ADGRG6: variants seen among roughly 807,000 people sequenced by gnomAD.
ADGRG6 encodes the protein adhesion G protein-coupled receptor G6.
ADGRG6 carries 84 observed loss-of-function variants against 142.4 expected under a neutral mutation model. That is an observed-to-expected ratio of 0.59 (90% CI 0.49 to 0.71). The LOEUF (loss-of-function observed/expected upper bound fraction) is 0.71. Ranked by LOEUF, ADGRG6 falls within the 30% of genes least tolerant of loss-of-function variation. ADGRG6 has a pLI of 0.00. For synonymous variants in ADGRG6, 521 were observed against 520.5 expected (o/e 1.00, Z -0.01); for missense variants, 1,367 against 1,466.6 (o/e 0.93, Z 1.11).
chr6:142,331,024 C>T (rs1342647456), intron 2 of ADGRG6, among the ~76,000 whole-genome samples: 3 of 151,794 alleles, frequency 2.0e-5, no homozygotes, highest in Admixed American at 2.0e-4. Context: ...TTGCCTTTGC[C>T]TGAAGTCACC....
At position 142,394,211 on chromosome 6, in the gene ADGRG6, T is replaced by C. The variant is rs79989835; in HGVS notation, c.1424+253T>C. Among the ~76,000 whole-genome samples, 745 of 152,352 alleles carry C rather than the reference T, an allele frequency of 4.9e-3. 6 individuals are homozygous for C. The highest frequency in any genetic ancestry group is 0.017 in the African/African-American group (708 of 41,574). On this transcript the variant is annotated intron_variant, in intron 9 of 24. Coordinates refer to ENST00000367609, the MANE Select transcript of ADGRG6 (RefSeq NM_198569.3). The stretch of plus-strand genomic sequence containing the variant: ...AAAATGGATGGATTATTATTTTTAG[T>C]ATTTCCAGTTTATTTATCATAACCC...
At chr6:142,395,360 A>G (rs1775124522) in intron 9 of ADGRG6, among the ~76,000 whole-genome samples, 2 of 152,146 alleles carry the variant, frequency 1.3e-5, no homozygotes, top group Non-Finnish European at 2.9e-5. Flanking sequence ...TCCAGCAGCA[A>G]TCAGGATCCC....
intron 2 of ADGRG6, among the ~76,000 whole-genome samples, chr6:142,314,453 G>A (rs191058269): frequency 3.3e-5 from 5 of 152,242 alleles, no homozygotes; most frequent in East Asian, 3.9e-4. Flanking sequence ...ATATTTAGAC[G>A]AGGCACACCA....
At position 142,313,901 on chromosome 6, in the gene ADGRG6, G is replaced by A. The variant is rs927564995; in HGVS notation, c.103+4257G>A. Among the ~76,000 whole-genome samples the A allele has an allele frequency of 3.9e-5, 6 of 152,144 alleles. No individual in the cohort carries two copies. In the East Asian group the frequency reaches 9.6e-4, roughly 24 times the overall value. Reference sequence around the variant, plus strand: ...TGTCCCCTTTTTAAAAAAAAATTCAGTATTGTGTATTGAAAATTACTAAGT... The same window carrying A: ...TGTCCCCTTTTTAAAAAAAAATTCAATATTGTGTATTGAAAATTACTAAGT... On this transcript the variant is annotated intron_variant, in intron 2 of 24. Coordinates refer to ENST00000367609, the MANE Select transcript of ADGRG6 (RefSeq NM_198569.3).
chr6:142,342,383 G>A (rs146211779), intron 2 of ADGRG6, among the ~76,000 whole-genome samples: 28 of 152,132 alleles, frequency 1.8e-4, no homozygotes, highest in Admixed American at 1.2e-3. Flanking sequence ...TAAGAAAATT[G>A]TAATATCCTG....
chr6:142,387,082 A>G (rs920853954), intron 6 of ADGRG6, among the ~76,000 whole-genome samples: 1 of 152,250 alleles, frequency 6.6e-6, no homozygotes, highest in Non-Finnish European at 1.5e-5. Flanking sequence ...CCTGCTGTGT[A>G]CACTAAGAAA....
intron 9 of ADGRG6, 36 bp from the exon 10 acceptor site, chr6:142,397,577 A>G (rs762444122): frequency 3.2e-6 from 5 of 1,583,884 alleles, no homozygotes; most frequent in East Asian, 2.3e-5. Flanking sequence ...CAACCAATGA[A>G]CAACAACAAC....
chr6:142,357,514 T>A (rs758094188), intron 2 of ADGRG6, among the ~76,000 whole-genome samples: 15 of 152,174 alleles, frequency 9.9e-5, no homozygotes, highest in Non-Finnish European at 1.8e-4. Flanking sequence ...AGGGGAAAAA[T>A]TATGCTGGTT....
rs774026696 is a variant in ADGRG6 at position 142,392,994 on chromosome 6, A to G, written c.1355A>G (p.Asn452Ser). ...QNWNYTVYVV[N>S]ISFHLSAGED... Reference sequence around the variant, plus strand: ...TGGAACTACACGGTTTATGTCGTTAATATCAGGTAAGACAGAATAAATTAT... The same window carrying G: ...TGGAACTACACGGTTTATGTCGTTAGTATCAGGTAAGACAGAATAAATTAT... The change falls in exon 8 of 25, where the codon AAT (asparagine) becomes AGT (serine). Residue 452 changes from asparagine (N) to serine (S), a missense_variant. Around this residue, in one of 3 missense-constraint regions of ADGRG6, gnomAD observed 737 missense variants for 746.5 expected, o/e 0.99. Coordinates refer to ENST00000367609, the MANE Select transcript of ADGRG6 (RefSeq NM_198569.3). 22 of 1,512,848 alleles carry G rather than the reference A, an allele frequency of 1.5e-5. No homozygotes were observed. Among genetic ancestry groups the G allele is most frequent in the East Asian group, 2.3e-5 (1 of 44,286 alleles). The allele number at this position is 1,512,848 out of a possible 1,614,324, so 93.7% of individuals were successfully genotyped here. A position where few individuals can be genotyped will look rare whatever the true frequency, so the allele number is the denominator to read the frequency against.
At chr6:142,391,360 CAT>C (rs1260981414) in intron 7 of ADGRG6, among the ~76,000 whole-genome samples, 1 of 147,394 alleles carries the variant, frequency 6.8e-6, no homozygotes, top group Non-Finnish European at 1.5e-5. Context: ...AATGGGTTTT[CAT>C]ATATATTTGG....
chr6:142,402,698 A>G lies in ADGRG6; in HGVS notation c.1823A>G (p.Asn608Ser). The G allele has an allele frequency of 6.2e-7, 1 of 1,608,408 alleles. No individual in the cohort carries two copies. ...GQNLTSANIT[N>S]IVEQVKRIVN... is the part of the protein sequence containing the mutation. ...AACTTAACCTCAGCCAATATTACCA[A>G]CATTGTGGAACAGGTCAAAAGAATT... The change falls in exon 13 of 25, where the codon AAC becomes AGC. Residue 608 changes from asparagine to serine, a missense_variant. By Grantham distance (46) the Asn-to-Ser change is conservative (BLOSUM62 1). This residue lies in a region of ADGRG6 where 737 missense variants were observed against 746.5 expected (regional missense o/e 0.99). Coordinates refer to ENST00000367609, the MANE Select transcript of ADGRG6 (RefSeq NM_198569.3).
intron 2 of ADGRG6, among the ~76,000 whole-genome samples, chr6:142,365,378 A>G (rs925678331): frequency 6.6e-6 from 1 of 152,214 alleles, no homozygotes; most frequent in Non-Finnish European, 1.5e-5. Context: ...TCATTTGTTC[A>G]TAAATTTAGC....
chr6:142,316,841 C>G (rs1778101204), intron 2 of ADGRG6, among the ~76,000 whole-genome samples: 1 of 151,952 alleles, frequency 6.6e-6, no homozygotes, highest in Non-Finnish European at 1.5e-5. Flanking sequence ...CAAGTATACA[C>G]TGAGGTTGTG....
chr6:142,430,664 A>G (rs925808694), intron 22 of ADGRG6, among the ~76,000 whole-genome samples: 1 of 152,192 alleles, frequency 6.6e-6, no homozygotes, highest in African/African-American at 2.4e-5. Flanking sequence ...GTTAAACACA[A>G]CCCCATATAG....
At chr6:142,442,304 C>G (rs1777792042) in intron 24 of ADGRG6, among the ~76,000 whole-genome samples, 1 of 151,986 alleles carries the variant, frequency 6.6e-6, no homozygotes, top group South Asian at 2.1e-4. Context: ...TGTAAAATTT[C>G]TATAATTTGG....
At chr6:142,368,704 T>A (rs969610024) in intron 3 of ADGRG6, among the ~76,000 whole-genome samples, 7 of 152,128 alleles carry the variant, frequency 4.6e-5, no homozygotes, top group Admixed American at 4.6e-4. Flanking sequence ...TATTATAAAT[T>A]GTGTTTTTTG....
intron 16 of ADGRG6, among the ~76,000 whole-genome samples, chr6:142,408,946 C>T (rs1775948627): frequency 2.0e-5 from 3 of 152,142 alleles, no homozygotes; most frequent in Non-Finnish European, 4.4e-5. Context: ...CACGAACCGT[C>T]TTAGACTTCC....
chr6:142,351,511 T>C (rs1414775369), intron 2 of ADGRG6, among the ~76,000 whole-genome samples: 4 of 152,112 alleles, frequency 2.6e-5, no homozygotes, highest in South Asian at 2.1e-4. Flanking sequence ...ATGCAGAAGA[T>C]TGAAACTGAA....
intron 20 of ADGRG6, among the ~76,000 whole-genome samples, chr6:142,416,668 A>G (rs1226885916): frequency 6.6e-6 from 1 of 152,126 alleles, no homozygotes; most frequent in Non-Finnish European, 1.5e-5. Flanking sequence ...TCAGATGGAA[A>G]TATAAGTGAG....
Sources: allele counts gnomAD v4.1 joint callset (sites outside exome capture counted in the v4.1 genomes callset), GRCh38; gene constraint gnomAD v4.1.1; regional missense constraint gnomAD v4.1.1; transcripts MANE v1.5; gene names NCBI Gene and HGNC (gene_info 2026-07-23, HGNC 2026-07-21).